The following CUL5 variants were observed in gnomAD, a reference collection of about 807,000 sequenced individuals.
The protein encoded by CUL5 is cullin 5, also known as cullin-5.
Under a neutral mutation model 108.8 loss-of-function variants are expected in CUL5, and 26 were observed. The ratio of observed to expected loss-of-function variants is 0.24; its 90% confidence interval spans 0.18 to 0.33. The LOEUF is 0.33. CUL5 is among the 10% of genes least tolerant of loss of function. CUL5 has a pLI of 1.00. For missense variants in CUL5, 524 were observed against 909.2 expected (o/e 0.58, Z 5.45); for synonymous variants, 334 against 298.0 (o/e 1.12, Z -1.25).
chr11:108,020,101 G>C (rs1862292257), intron 1 of CUL5, among the ~76,000 whole-genome samples: 1 of 152,118 alleles, frequency 6.6e-6, no homozygotes, highest in Non-Finnish European at 1.5e-5. Flanking sequence ...CTTTTCATTA[G>C]GCCCACTTAC....
At chr11:108,094,351 T>C in intron 13 of CUL5, 40 bp from the exon 14 acceptor site, 1 of 1,449,542 alleles carries the variant, frequency 6.9e-7, no homozygotes, top group Non-Finnish European at 9.4e-7. Flanking sequence ...TATCAGATTA[T>C]GTATTTATTA....
intron 2 of CUL5, among the ~76,000 whole-genome samples, chr11:108,043,255 G>A (rs573205526): frequency 6.6e-6 from 1 of 152,214 alleles, no homozygotes; most frequent in East Asian, 1.9e-4. Flanking sequence ...TTTTATTTTT[G>A]TATAGATGTG....
At chr11:108,100,114 CAG>C (rs1864616536) in intron 18 of CUL5, among the ~76,000 whole-genome samples, 1 of 149,306 alleles carries the variant, frequency 6.7e-6, no homozygotes, top group Admixed American at 6.7e-5. Context: ...TGTTTTTTAT[CAG>C]AATAAATAAG....
At chr11:108,015,021 C>T (rs903102925) in intron 1 of CUL5, among the ~76,000 whole-genome samples, 2 of 152,164 alleles carry the variant, frequency 1.3e-5, no homozygotes, top group Non-Finnish European at 2.9e-5. Context: ...TCCTCAGCCT[C>T]CCGAGTAGTT....
intron 7 of CUL5, among the ~76,000 whole-genome samples, chr11:108,062,800 A>G (rs1863573714): frequency 1.3e-5 from 2 of 151,970 alleles, no homozygotes; most frequent in African/African-American, 4.8e-5. Context: ...TCACCCTGTT[A>G]TGTTATCAAA....
At position 108,104,571 on chromosome 11, in the gene CUL5, T is replaced by C. The variant is rs1208479324; in HGVS notation, c.*187T>C. On this transcript the variant is annotated 3_prime_UTR_variant, in exon 19 of 19. Coordinates refer to ENST00000393094, the MANE Select transcript of CUL5 (RefSeq NM_003478.6). Reference sequence around the variant, plus strand: ...AGTTAGCATGATGGCATTCCCTTCATGTTGCACACTCTTTGACAGCATGCT... The same window carrying C: ...AGTTAGCATGATGGCATTCCCTTCACGTTGCACACTCTTTGACAGCATGCT... 2.2e-6 allele frequency: 1 copy of C among 449,992 alleles called. No individual in the cohort carries two copies. The highest frequency in any genetic ancestry group is 3.9e-6 in the Non-Finnish European group (1 of 256,734). The allele number at this position is 449,992 out of a possible 1,614,324, so 27.9% of individuals were successfully genotyped here.
intron 10 of CUL5, among the ~76,000 whole-genome samples, chr11:108,077,727 C>G (rs377639810): frequency 6.6e-6 from 1 of 152,030 alleles, no homozygotes; most frequent in Admixed American, 6.6e-5. Flanking sequence ...GGCAGATCAC[C>G]TGAGGTGAGG....
chr11:108,019,202 G>T (rs968362929), intron 1 of CUL5, among the ~76,000 whole-genome samples: 1 of 136,652 alleles, frequency 7.3e-6, no homozygotes, highest in Non-Finnish European at 1.6e-5. Context: ...ATGGGTGGGG[G>T]TGGGGGTGGG....
chr11:108,077,820 C>T lies in CUL5; in HGVS notation c.1114-356C>T, dbSNP rs545547455. On this transcript the variant is annotated intron_variant, in intron 10 of 18. Transcript: ENST00000393094. ...GTTAGCCTGATGTAGTGGTGGGCAC[C>T]TATAATCCCAGCTACCCAGGAGGCC... 5.9e-5 allele frequency among the ~76,000 whole-genome samples: 9 copies of T among 151,968 alleles called. No individual in the cohort carries two copies. In the East Asian group the frequency reaches 1.5e-3, roughly 26 times the overall value.
At chr11:108,038,406 G>A (rs1862800775) in intron 2 of CUL5, among the ~76,000 whole-genome samples, 1 of 152,034 alleles carries the variant, frequency 6.6e-6, no homozygotes, top group Non-Finnish European at 1.5e-5. Flanking sequence ...AAGATCTTTT[G>A]GCCAGGTGTG....
intron 2 of CUL5, among the ~76,000 whole-genome samples, chr11:108,036,310 G>GA (rs1862742243): frequency 6.6e-6 from 1 of 152,094 alleles, no homozygotes; most frequent in Non-Finnish European, 1.5e-5. Flanking sequence ...CCCTTCAGCA[G>GA]AAAAAAGCAA....
intron 11 of CUL5, 63 bp from the exon 12 acceptor site, chr11:108,088,464 T>C (rs1591328049): frequency 3.3e-6 from 5 of 1,500,680 alleles, no homozygotes; most frequent in South Asian, 2.5e-5. Context: ...TCATTGACTT[T>C]AGAAAAAAAT....
chr11:108,089,370 C>T lies in CUL5; in HGVS notation c.1312-122C>T. The stretch of plus-strand genomic sequence containing the variant: ...TCTCAGAGATGGATAATTCAGTAGG[C>T]CTCTATCTGTATATGCTCATAAAAG... On this transcript the variant is annotated intron_variant, in intron 12 of 18. Transcript: ENST00000393094. The T allele has an allele frequency of 6.8e-6, 4 of 589,444 alleles. No individual in the cohort carries two copies. The East Asian group carries it at 1.3e-4, about 19-fold the overall frequency. 36.5% of individuals were successfully genotyped at this position (589,444 alleles called of 1,614,324 possible).
At chr11:108,094,362 C>T in intron 13 of CUL5, 29 bp from the exon 14 acceptor site, 3 of 1,517,590 alleles carry the variant, frequency 2.0e-6, no homozygotes, top group Non-Finnish European at 2.7e-6. Context: ...GTATTTATTA[C>T]CTCTTCCTTC....
At chr11:108,080,061 G>A (rs1468796541) in intron 11 of CUL5, among the ~76,000 whole-genome samples, 1 of 148,194 alleles carries the variant, frequency 6.7e-6, no homozygotes, top group Non-Finnish European at 1.5e-5. Flanking sequence ...GTATCTTAAT[G>A]TTTTAATTCC....
chr11:108,078,327 G>T, intron 11 of CUL5, 87 bp downstream of exon 11: 1 of 599,062 alleles, frequency 1.7e-6, no homozygotes, highest in Non-Finnish European at 2.8e-6. Flanking sequence ...TACCCTGTTA[G>T]GTTTATTTTT....
intron 11 of CUL5, among the ~76,000 whole-genome samples, chr11:108,086,501 C>A (rs904970031): frequency 2.6e-5 from 4 of 152,118 alleles, no homozygotes; most frequent in African/African-American, 9.7e-5. Flanking sequence ...TTGATTGTTA[C>A]AGTAGTTCAC....
chr11:108,021,795 C>T (rs989642988), intron 1 of CUL5, among the ~76,000 whole-genome samples: 1 of 152,006 alleles, frequency 6.6e-6, no homozygotes, highest in Admixed American at 6.6e-5. Flanking sequence ...GGATTATAGG[C>T]ATGAGCCACA....
intron 11 of CUL5, among the ~76,000 whole-genome samples, chr11:108,084,032 T>C (rs534983388): frequency 6.6e-6 from 1 of 152,286 alleles, no homozygotes; most frequent in Admixed American, 6.5e-5. Flanking sequence ...GTTAGTGTAT[T>C]TTATGTATGG....
Sources: allele counts gnomAD v4.1 joint callset (sites outside exome capture counted in the v4.1 genomes callset), GRCh38; gene constraint gnomAD v4.1.1; transcripts MANE v1.5; gene names NCBI Gene and HGNC (gene_info 2026-07-23, HGNC 2026-07-21).